Variants in PRKCI observed in about 807,000 individuals in gnomAD.
PRKCI encodes the protein protein kinase C iota, also known as protein kinase C iota type.
PRKCI carries 43 observed loss-of-function variants against 84.0 expected under a neutral mutation model. The ratio of observed to expected loss-of-function variants is 0.51; its 90% CI spans 0.40 to 0.66. PRKCI has a LOEUF of 0.66. PRKCI is among the 30% of genes least tolerant of loss of function. The probability of loss-of-function intolerance (pLI) is 0.00; values close to 1 mark genes in which losing one functional copy is unlikely to be tolerated. For synonymous variants in PRKCI, 216 were observed against 234.4 expected (o/e 0.92, Z 0.72); for missense variants, 459 against 745.6 (o/e 0.62, Z 4.48).
intron 4 of PRKCI, among the ~76,000 whole-genome samples, chr3:170,265,403 A>G (rs1045934304): frequency 6.6e-6 from 1 of 152,194 alleles, no homozygotes; most frequent in East Asian, 1.9e-4. Flanking sequence ...GAGATGAACT[A>G]AGAGTGTCCA....
At chr3:170,295,016 C>T (rs1287539555) in intron 14 of PRKCI, among the ~76,000 whole-genome samples, 1 of 149,224 alleles carries the variant, frequency 6.7e-6, no homozygotes, top group Admixed American at 6.7e-5. Context: ...TTGAGACCAG[C>T]CTGGCCAACA....
intron 1 of PRKCI, among the ~76,000 whole-genome samples, chr3:170,230,272 C>A (rs1082968): frequency 0.77 from 115,914 of 151,386 alleles, 44,607 homozygotes; most frequent in South Asian, 0.88. Context: ...TTCTAACAAT[C>A]CTCCTGCCTC....
intron 4 of PRKCI, among the ~76,000 whole-genome samples, chr3:170,264,492 C>T (rs1485522302): frequency 2.6e-5 from 4 of 151,936 alleles, no homozygotes; most frequent in Admixed American, 6.6e-5. Flanking sequence ...TTGGCCAGGC[C>T]GGTGTCGAAC....
Position 170,263,363 on chromosome 3 carries a change from G to A in PRKCI, c.314-16G>A, listed in dbSNP as rs992766127. On this transcript the variant is annotated splice_polypyrimidine_tract_variant and intron_variant, in intron 3 of 17. Coordinates refer to ENST00000295797, the MANE Select transcript of PRKCI (RefSeq NM_002740.6). The stretch of plus-strand genomic sequence containing the variant: ...TTAAATATGCTGTTAACTCATGTTC[G>A]TTTATTTTCTTTCAGTGTTCCCTTG... 1.5e-5 allele frequency: 24 copies of A among 1,588,014 alleles called. No individual in the cohort carries two copies. Among genetic ancestry groups the A allele is most frequent in the African/African-American group, 4.0e-5 (3 of 74,270 alleles).
chr3:170,284,330 AT>A (rs1734322279), intron 11 of PRKCI, 130 bp from the exon 12 acceptor site: 1 of 767,572 alleles, frequency 1.3e-6, no homozygotes, highest in East Asian at 2.9e-5. Context: ...ACTTCAGTTC[AT>A]TTTTCAAATT....
Position 170,222,583 on chromosome 3 carries a change from G to C in PRKCI, c.-87G>C. The C allele has an allele frequency of 1.7e-6, 2 of 1,203,356 alleles. No individual in the cohort carries two copies. The highest frequency in any genetic ancestry group is 1.6e-5 in the South Asian group (1 of 62,318). 74.5% of individuals were successfully genotyped at this position (1,203,356 alleles called of 1,614,324 possible). ...GTGGGCGGACGGCCGCGGTTCTCCG[G>C]CAAGCGCAGGCGGCGGAGTCCCCCA... On this transcript the variant is annotated 5_prime_UTR_variant, in exon 1 of 18. Coordinates refer to ENST00000295797, the MANE Select transcript of PRKCI (RefSeq NM_002740.6).
At chr3:170,269,267 T>C (rs1186002547) in intron 5 of PRKCI, among the ~76,000 whole-genome samples, 1 of 152,182 alleles carries the variant, frequency 6.6e-6, no homozygotes, top group Non-Finnish European at 1.5e-5. Context: ...GGATGCCATT[T>C]CCATTCTAAA....
At chr3:170,223,632 A>G (rs1390673607) in intron 1 of PRKCI, among the ~76,000 whole-genome samples, 1 of 151,924 alleles carries the variant, frequency 6.6e-6, no homozygotes, top group Non-Finnish European at 1.5e-5. Context: ...TTTTTTTGAG[A>G]TAATTATGTT....
chr3:170,268,724 T>C (rs1000241721), intron 5 of PRKCI, among the ~76,000 whole-genome samples: 2 of 152,098 alleles, frequency 1.3e-5, no homozygotes, highest in Non-Finnish European at 2.9e-5. Context: ...CCAAATGCCT[T>C]ATATACATTG....
At chr3:170,259,909 T>G in intron 2 of PRKCI, 60 bp from the exon 3 acceptor site, 1 of 902,102 alleles carries the variant, frequency 1.1e-6, no homozygotes, top group East Asian at 2.7e-5. Flanking sequence ...GAAATTTGTT[T>G]AGTAATCATC....
chr3:170,259,037 G>T (rs1241748111), intron 2 of PRKCI, among the ~76,000 whole-genome samples: 1 of 152,142 alleles, frequency 6.6e-6, no homozygotes, highest in Admixed American at 6.6e-5. Context: ...CCAGCTATTT[G>T]GAAGGCTGAG....
Position 170,303,957 on chromosome 3 carries a change from G to A in PRKCI, c.*830G>A, listed in dbSNP as rs1314874272. 6.0e-6 allele frequency: 1 copy of A among 165,384 alleles called. No individual in the cohort carries two copies. Among genetic ancestry groups the A allele is most frequent in the Non-Finnish European group, 1.3e-5 (1 of 75,760 alleles). The allele number at this position is 165,384 out of a possible 1,614,324, so 10.2% of individuals were successfully genotyped here. ...GTTGGCAGTGAGCCAAGATTAGCCT[G>A]GGCAACAGTGAGTGAGACTCGGTCT... On this transcript the variant is annotated 3_prime_UTR_variant, in exon 18 of 18. Transcript: ENST00000295797.
rs1263114385 is a variant in PRKCI at position 170,258,696 on chromosome 3, G to T, written c.224-1273G>T. 5.3e-5 allele frequency among the ~76,000 whole-genome samples: 8 copies of T among 152,110 alleles called. 1 individual carries two copies. The East Asian group carries it at 1.5e-3, about 29-fold the overall frequency. On this transcript the variant is annotated intron_variant, in intron 2 of 17. Coordinates refer to ENST00000295797, the MANE Select transcript of PRKCI (RefSeq NM_002740.6). ...TTGTCTGGCTAGTTGGGTAAGGGAG[G>T]TGTTTTTTCCATCACTTCTGTGTGT... is the stretch of plus-strand genomic sequence containing the variant.
At chr3:170,299,774 A>G (rs114394848) in intron 17 of PRKCI, among the ~76,000 whole-genome samples, 407 of 152,346 alleles carry the variant, frequency 2.7e-3, no homozygotes, top group African/African-American at 9.0e-3. Flanking sequence ...CTGACTGACT[A>G]AGGCCTGTGC....
At chr3:170,284,091 T>C (rs1472930790) in intron 11 of PRKCI, among the ~76,000 whole-genome samples, 3 of 152,108 alleles carry the variant, frequency 2.0e-5, no homozygotes, top group Non-Finnish European at 4.4e-5. Context: ...ACGGGTCCCT[T>C]AGAGAAGTGA....
In PRKCI at chr3:170,258,139, A is replaced by G. The variant is rs145314445; in HGVS notation, c.224-1830A>G. Among the ~76,000 whole-genome samples the G allele has an allele frequency of 1.3e-3, 198 of 152,046 alleles. 1 individual carries two copies. Among genetic ancestry groups the G allele is most frequent in the African/African-American group, 4.5e-3 (187 of 41,470 alleles). Reference sequence around the variant, plus strand: ...GCACTCTTTTCTTTGAGTAGCCAGGAAAAAATGACTTTGTTTTTCTTTCTC... The same window carrying G: ...GCACTCTTTTCTTTGAGTAGCCAGGGAAAAATGACTTTGTTTTTCTTTCTC... On this transcript the variant is annotated intron_variant, in intron 2 of 17. Coordinates refer to ENST00000295797, the MANE Select transcript of PRKCI (RefSeq NM_002740.6).
chr3:170,243,104 T>C (rs1315621620), intron 2 of PRKCI, among the ~76,000 whole-genome samples: 1 of 152,134 alleles, frequency 6.6e-6, no homozygotes, highest in East Asian at 1.9e-4. Context: ...GTTATACATA[T>C]TAAAACTTTA....
chr3:170,271,868 C>T (rs1304351504), intron 6 of PRKCI, among the ~76,000 whole-genome samples: 1 of 152,162 alleles, frequency 6.6e-6, no homozygotes, highest in East Asian at 1.9e-4. Context: ...GAGCCTCGCT[C>T]TGTCTTCCAG....
Position 170,297,333 on chromosome 3 carries a change from T to G in PRKCI, c.1527T>G (p.Pro509=). 6.2e-7 allele frequency: 1 copy of G among 1,613,872 alleles called. No homozygotes were observed. Among genetic ancestry groups the G allele is most frequent in the Non-Finnish European group, 8.5e-7 (1 of 1,179,798 alleles). The stretch of plus-strand genomic sequence containing the variant: ...CTAAGGAACGATTGGGTTGTCATCC[T>G]CAAACAGGATTTGCTGATATTCAGG... The part of the protein sequence containing the change: ...KDPKERLGCH[P]QTGFADIQGH... The change falls in exon 16 of 18, where the codon CCT becomes CCG. Residue 509 remains proline, a synonymous_variant. Transcript: ENST00000295797.
Sources: gnomAD v4.1 joint callset for allele counts (sites outside exome capture counted in the v4.1 genomes callset) on GRCh38, gnomAD v4.1.1 for gene constraint, MANE v1.5 for transcripts, NCBI Gene and HGNC (gene_info 2026-07-23, HGNC 2026-07-21) for gene names.